The following PTGIR variants were observed in gnomAD, a reference collection of about 807,000 sequenced individuals.
PTGIR encodes the protein prostaglandin I2 receptor.
In PTGIR, 16 loss-of-function variants were observed where a neutral mutation model predicts 17.6. That is an observed-to-expected ratio of 0.91 (90% confidence interval 0.61 to 1.38). The LOEUF (loss-of-function observed/expected upper bound fraction) is 1.38, where lower values mean the gene tolerates loss of function less well. PTGIR is among the 40% of genes most tolerant of loss of function. PTGIR has a pLI of 0.00. For synonymous variants in PTGIR, 274 were observed against 255.4 expected (o/e 1.07, Z -0.69); for missense variants, 532 against 548.6 (o/e 0.97, Z 0.30).
At chr19:46,622,285 A>T (rs2052738371) in intron 2 of PTGIR, 2 of 985,380 alleles carry the variant, frequency 2.0e-6, no homozygotes, top group South Asian at 9.4e-5. Flanking sequence ...TCTGAGGCAG[A>T]GGGGAGCCAG....
At position 46,623,772 on chromosome 19, in the gene PTGIR, C is replaced by T. The variant is rs775645646; in HGVS notation, c.454G>A (p.Ala152Thr). The part of the protein sequence containing the change: ...AIYAFCVLFC[A>T]LPLLGLGQHQ... ...TGGCCCAGGCCCAGCAGGGGCAGCG[C>T]GCAGAAGAGGACGCAGAAGGCGTAG... Residue 152 changes from alanine (A) to threonine (T), a missense_variant, in exon 2 of 3, where the codon GCG becomes ACG. Physicochemically the swap from Ala to Thr is moderately conservative, Grantham distance 58. Coordinates refer to ENST00000291294, the MANE Select transcript of PTGIR (RefSeq NM_000960.4). 20 of 1,604,712 alleles carry T rather than the reference C, an allele frequency of 1.2e-5. No individual in the cohort carries two copies. Among genetic ancestry groups the T allele is most frequent in the Admixed American group, 3.4e-5 (2 of 59,648 alleles).
rs375806124 is a variant in PTGIR at position 46,621,339 on chromosome 19, C to T, written c.1102G>A (p.Gly368Ser). ...EPLPPTQQSS[G>S]SAVGTSSKAE... The stretch of plus-strand genomic sequence containing the variant: ...TTGGACGACGTTCCCACGGCGCTGC[C>T]GCTGGACTGCTGTGTGGGAGGCAAG... Residue 368 changes from glycine to serine, a missense_variant, in exon 3 of 3, where the codon GGC becomes AGC. Gly to Ser is a moderately conservative substitution (Grantham distance 56, BLOSUM62 0). Coordinates refer to ENST00000291294, the MANE Select transcript of PTGIR (RefSeq NM_000960.4). This position sits in a 1 kb window ranked among gnomAD's most constrained non-coding sequence, Gnocchi z 4.8. The T allele has an allele frequency of 6.5e-6, 10 of 1,535,236 alleles. No individual in the cohort carries two copies. Among genetic ancestry groups the T allele is most frequent in the African/African-American group, 2.8e-5 (2 of 72,490 alleles).
Position 46,623,736 on chromosome 19 carries a change from A to G in PTGIR, c.490T>C (p.Tyr164His). 1 of 1,595,040 alleles carries G rather than the reference A, an allele frequency of 6.3e-7. No homozygotes were observed. Among genetic ancestry groups the G allele is most frequent in the Non-Finnish European group, 8.5e-7 (1 of 1,174,044 alleles). The change falls in exon 2 of 3, where the codon TAC becomes CAC. Residue 164 changes from tyrosine (Y) to histidine (H), a missense_variant. By Grantham distance (83) the Tyr-to-His change is moderately conservative. Coordinates refer to ENST00000291294, the MANE Select transcript of PTGIR (RefSeq NM_000960.4). ...PLLGLGQHQQ[Y>H]CPGSWCFLRM... ...AGGAAGCACCAGCTGCCGGGGCAGT[A>G]CTGCTGGTGTTGGCCCAGGCCCAGC...
At chr19:46,611,406 G>C in the PTGIR span, among the ~76,000 whole-genome samples, 1 of 152,188 alleles carries the variant, frequency 6.6e-6, no homozygotes, top group Non-Finnish European at 1.5e-5. Flanking sequence ...GCCAAAACAT[G>C]CCAAGTTTGG....
the PTGIR span, chr19:46,610,799 C>T: frequency 6.5e-6 from 1 of 152,828 alleles, no homozygotes; most frequent in Admixed American, 6.5e-5. Context: ...TCCTCTCCTC[C>T]TGTCTCAGTT....
downstream of PTGIR, among the ~76,000 whole-genome samples, chr19:46,618,197 G>C (rs915349263): frequency 6.6e-6 from 1 of 152,078 alleles, no homozygotes; most frequent in African/African-American, 2.4e-5. Context: ...TGTATTTTTA[G>C]TAGAGATAGG....
chr19:46,617,948 C>T (rs1053614880), downstream of PTGIR, among the ~76,000 whole-genome samples: 7 of 151,188 alleles, frequency 4.6e-5, no homozygotes, highest in Non-Finnish European at 7.4e-5. Context: ...AAGCAATTCT[C>T]GTGCCTCAGC....
At position 46,621,462 on chromosome 19, in the gene PTGIR, C is replaced by T. The variant is rs754648479; in HGVS notation, c.979G>A (p.Ala327Thr). 1.5e-5 allele frequency: 25 copies of T among 1,613,992 alleles called. No homozygotes were observed. The highest frequency in any genetic ancestry group is 3.3e-5 in the South Asian group (3 of 91,082). Residue 327 changes from alanine (A) to threonine (T), a missense_variant, in exon 3 of 3, where the codon GCC becomes ACC. Physicochemically the swap from Ala to Thr is moderately conservative, Grantham distance 58. Coordinates refer to ENST00000291294, the MANE Select transcript of PTGIR (RefSeq NM_000960.4). This position sits in a 1 kb window ranked among gnomAD's most constrained non-coding sequence, Gnocchi z 4.8. Reference sequence around the variant, plus strand: ...GCCCTTGGGTCCCTCCTCCCTGAGGCGAGCTGGGAAAGGGGTGTCTGCGAG... The same window carrying T: ...GCCCTTGGGTCCCTCCTCCCTGAGGTGAGCTGGGAAAGGGGTGTCTGCGAG... ...GDSQTPLSQL[A>T]SGRRDPRAPS...
downstream of PTGIR, among the ~76,000 whole-genome samples, chr19:46,619,552 AGAGAGAGAG>A (rs750924986): frequency 2.7e-3 from 194 of 71,014 alleles, 1 homozygote; most frequent in Admixed American, 4.8e-3. Flanking sequence ...AAAGAAAGAG[AGAGAGAGAG>A]AGAGAGAGAG....
At chr19:46,616,513 T>C (rs974227717), downstream of PTGIR, among the ~76,000 whole-genome samples, 1 of 151,780 alleles carries the variant, frequency 6.6e-6, no homozygotes, top group African/African-American at 2.4e-5. Flanking sequence ...TTTGTATTTT[T>C]AGTAGAGATG....
At chr19:46,619,133 G>A (rs1034715430), downstream of PTGIR, among the ~76,000 whole-genome samples, 11 of 152,070 alleles carry the variant, frequency 7.2e-5, no homozygotes, top group African/African-American at 2.2e-4. Flanking sequence ...CCAAGCCCAC[G>A]CCCACTCGCT....
downstream of PTGIR, among the ~76,000 whole-genome samples, chr19:46,619,604 G>GAAT (rs1555816591): frequency 3.0e-5 from 2 of 67,206 alleles, no homozygotes; most frequent in Admixed American, 3.4e-4. Context: ...AAGAAAGAAA[G>GAAT]GAAAGAAAGA....
rs1390896693 is a variant in PTGIR, at chr19:46,621,927, G to A, written c.769-255C>T. ...TCCCCCCACCCTTGGAAGCTGGGAGGACCCTCGGGCTCCACAGATTTTTGA... is the reference window on the plus strand; with the variant it reads ...TCCCCCCACCCTTGGAAGCTGGGAGAACCCTCGGGCTCCACAGATTTTTGA... On this transcript the variant is annotated intron_variant, in intron 2 of 2. Coordinates refer to ENST00000291294, the MANE Select transcript of PTGIR (RefSeq NM_000960.4). The surrounding 1 kb of genome is among the most constrained non-coding windows in gnomAD (Gnocchi z 4.8). The A allele has an allele frequency of 1.5e-6, 2 of 1,292,012 alleles. No individual in the cohort carries two copies. Among genetic ancestry groups the A allele is most frequent in the South Asian group, 2.4e-5 (1 of 41,880 alleles). The allele number at this position is 1,292,012 out of a possible 1,614,324, so 80.0% of individuals were successfully genotyped here.
At chr19:46,620,420 T>C (rs1599769913), downstream of PTGIR, 4 of 984,798 alleles carry the variant, frequency 4.1e-6, no homozygotes, top group South Asian at 9.4e-5. Context: ...GTTGAATGAA[T>C]GAATGAATGA....
chr19:46,612,195 C>A, the PTGIR span, among the ~76,000 whole-genome samples: 2 of 152,228 alleles, frequency 1.3e-5, no homozygotes, highest in East Asian at 3.8e-4. Flanking sequence ...GCAAAAGCAC[C>A]TGCCTTAGCA....
chr19:46,621,708 G>T lies in PTGIR; in HGVS notation c.769-36C>A. 6.3e-7 allele frequency: 1 copy of T among 1,581,136 alleles called. No individual in the cohort carries two copies. Among genetic ancestry groups the T allele is most frequent in the Non-Finnish European group, 8.6e-7 (1 of 1,161,760 alleles). ...GGTGAGGGCGTCAAGGAGCACCCAG[G>T]AGTCCTCAGCCTCCCCACCCTGGCT... is the stretch of plus-strand genomic sequence containing the variant. On this transcript the variant is annotated intron_variant, in intron 2 of 2. Transcript: ENST00000291294. The surrounding 1 kb of genome is among the most constrained non-coding windows in gnomAD (Gnocchi z 4.8).
chr19:46,619,682 A>G (rs1972031598), downstream of PTGIR, among the ~76,000 whole-genome samples: 1 of 151,824 alleles, frequency 6.6e-6, no homozygotes, highest in Non-Finnish European at 1.5e-5. Context: ...AAGAGGATTT[A>G]TAATAGGTTG....
chr19:46,619,567 G>A (rs563966614), downstream of PTGIR, among the ~76,000 whole-genome samples: 302 of 119,294 alleles, frequency 2.5e-3, 2 homozygotes, highest in Middle Eastern at 8.6e-3. Context: ...GAGAGAGAGA[G>A]AGAGAGAGAG....
At chr19:46,619,574 A>AAT (rs1972018957), downstream of PTGIR, among the ~76,000 whole-genome samples, 2 of 127,860 alleles carry the variant, frequency 1.6e-5, no homozygotes, top group Non-Finnish European at 3.3e-5. Context: ...AGAGAGAGAG[A>AAT]GAGAGAGAGA....
Sources: allele counts gnomAD v4.1 joint callset (sites outside exome capture counted in the v4.1 genomes callset), GRCh38; gene constraint gnomAD v4.1.1; non-coding constraint Gnocchi (gnomAD v3.1); transcripts MANE v1.5; gene names NCBI Gene and HGNC (gene_info 2026-07-23, HGNC 2026-07-21).